TNRC6B: variants seen among roughly 807,000 people sequenced by gnomAD.
TNRC6B encodes trinucleotide repeat containing adaptor 6B.
TNRC6B carries 52 observed loss-of-function variants against 203.6 expected under a neutral mutation model. The ratio of observed to expected loss-of-function variants is 0.26; its 90% CI spans 0.20 to 0.32. The LOEUF (loss-of-function observed/expected upper bound fraction) is 0.32, where lower values mean the gene tolerates loss of function less well. TNRC6B is among the 10% of genes least tolerant of loss of function. TNRC6B has a pLI of 1.00. For missense variants in TNRC6B, 1,923 were observed against 2,286.2 expected (o/e 0.84, Z 3.24); for synonymous variants, 838 against 845.7 (o/e 0.99, Z 0.16).
intron 1 of TNRC6B, among the ~76,000 whole-genome samples, chr22:40,088,592 G>C (rs1223089818): frequency 6.9e-6 from 1 of 144,278 alleles, no homozygotes; most frequent in East Asian, 2.0e-4. Flanking sequence ...TTTTGTGTGT[G>C]TGTGTGTGTG....
At chr22:40,187,190 G>C (rs2069215362) in intron 1 of TNRC6B, among the ~76,000 whole-genome samples, 1 of 152,190 alleles carries the variant, frequency 6.6e-6, no homozygotes, top group Non-Finnish European at 1.5e-5. Context: ...GTTATGCGAA[G>C]TAAAATAGGC....
At chr22:40,245,327 G>A (rs2070091137) in intron 1 of TNRC6B, among the ~76,000 whole-genome samples, 1 of 152,096 alleles carries the variant, frequency 6.6e-6, no homozygotes, top group Non-Finnish European at 1.5e-5. Context: ...CTGACCTCAA[G>A]TGATCTGTCT....
intron 15 of TNRC6B, among the ~76,000 whole-genome samples, chr22:40,303,422 G>A (rs2071051544): frequency 6.6e-6 from 1 of 151,950 alleles, no homozygotes; most frequent in Non-Finnish European, 1.5e-5. Flanking sequence ...TCATACTCCT[G>A]TTTCATAAGT....
chr22:40,161,782 A>G (rs2068873379), intron 4 of TNRC6B, among the ~76,000 whole-genome samples: 1 of 152,192 alleles, frequency 6.6e-6, no homozygotes, highest in Non-Finnish European at 1.5e-5. Context: ...TAATGTAATC[A>G]TTTTTCTGGG....
chr22:40,175,989 G>A (rs751632529), upstream of TNRC6B, among the ~76,000 whole-genome samples: 7 of 152,186 alleles, frequency 4.6e-5, no homozygotes, highest in Non-Finnish European at 1.0e-4. Context: ...AGGAAAGCCG[G>A]GTTTCTAGAA....
At chr22:40,269,815 G>T (rs1391918698) in intron 5 of TNRC6B, among the ~76,000 whole-genome samples, 1 of 150,540 alleles carries the variant, frequency 6.6e-6, no homozygotes, top group South Asian at 2.1e-4. Context: ...TTGAACCTGG[G>T]AGGTGGAGGT....
chr22:40,081,307 G>GGT (rs375037868), intron 1 of TNRC6B, among the ~76,000 whole-genome samples: 9 of 101,504 alleles, frequency 8.9e-5, no homozygotes, highest in African/African-American at 3.3e-4. Context: ...GTGTCTGCGT[G>GGT]TTTTTTTTTT....
intron 1 of TNRC6B, among the ~76,000 whole-genome samples, chr22:40,095,974 A>G (rs995383124): frequency 6.6e-6 from 1 of 152,150 alleles, no homozygotes; most frequent in African/African-American, 2.4e-5. Context: ...ACTTTAGCCT[A>G]GGCCTTCTAA....
rs767828632 is a variant in TNRC6B, at chr22:40,285,734, C to G, written c.3672C>G (p.Leu1224=). The part of the protein sequence containing the change: ...PVQPLNSSPS[L]RAQVPPQFIS... ...AGCCACTAAATTCTTCTCCCAGTCT[C>G]CGGGCGCAAGTGCCTCCCCAGTTTA... Residue 1224 remains leucine, a synonymous_variant, in exon 12 of 23, where the codon CTC becomes CTG. Coordinates refer to ENST00000454349, the MANE Select transcript of TNRC6B (RefSeq NM_001162501.2). The G allele has an allele frequency of 1.2e-6, 2 of 1,613,996 alleles. No homozygotes were observed. The highest frequency in any genetic ancestry group is 1.1e-5 in the South Asian group (1 of 91,074).
At chr22:40,298,943 G>A (rs934915955) in intron 12 of TNRC6B, among the ~76,000 whole-genome samples, 9 of 150,194 alleles carry the variant, frequency 6.0e-5, no homozygotes, top group African/African-American at 1.7e-4. Flanking sequence ...TCCAGCCTGG[G>A]TGAAAGAGCG....
At chr22:40,270,583 C>T (rs908687565) in intron 6 of TNRC6B, among the ~76,000 whole-genome samples, 2 of 151,858 alleles carry the variant, frequency 1.3e-5, no homozygotes, top group African/African-American at 2.4e-5. Context: ...CTCCCAAAGT[C>T]CTGGGACTAC....
intron 15 of TNRC6B, among the ~76,000 whole-genome samples, chr22:40,303,108 C>G (rs984266587): frequency 2.1e-5 from 3 of 145,768 alleles, no homozygotes; most frequent in African/African-American, 7.8e-5. Flanking sequence ...CCACCTCCCA[C>G]AACCTCCACC....
chr22:40,153,422 G>C (rs892335569), intron 3 of TNRC6B, among the ~76,000 whole-genome samples: 1 of 152,136 alleles, frequency 6.6e-6, no homozygotes, highest in Non-Finnish European at 1.5e-5. Flanking sequence ...ACCCCTGAGG[G>C]TGTCTCCAAG....
At chr22:40,261,788 A>G in intron 3 of TNRC6B, 44 bp from the exon 4 acceptor site, 1 of 1,378,264 alleles carries the variant, frequency 7.3e-7, no homozygotes, top group Non-Finnish European at 9.6e-7. Flanking sequence ...GAAAAAATGT[A>G]TTTGATGTAT....
At chr22:40,321,992 G>A (rs184655838) in intron 22 of TNRC6B, among the ~76,000 whole-genome samples, 123 of 152,210 alleles carry the variant, frequency 8.1e-4, no homozygotes, top group African/African-American at 2.9e-3. Context: ...AGACCTGACT[G>A]CCCTTGGCTG....
rs1394750740 is a variant in TNRC6B at position 40,322,863 on chromosome 22, G to A, written c.5124G>A (p.Leu1708=). 2 of 1,613,672 alleles carry A rather than the reference G, an allele frequency of 1.2e-6. No homozygotes were observed. Among genetic ancestry groups the A allele is most frequent in the Non-Finnish European group, 1.7e-6 (2 of 1,179,888 alleles). Residue 1708 remains leucine, a synonymous_variant, in exon 23 of 23, where the codon TTG becomes TTA. Coordinates refer to ENST00000454349, the MANE Select transcript of TNRC6B (RefSeq NM_001162501.2). ...CCCTCCCTTCTTCCAGGTGTGTGTTGGGAAACACTACCATCCTTGCTGAGT... is the reference window on the plus strand; with the variant it reads ...CCCTCCCTTCTTCCAGGTGTGTGTTAGGAAACACTACCATCCTTGCTGAGT... ...KAQTALHMCV[L]GNTTILAEFA...
intron 4 of TNRC6B, chr22:40,156,295 A>G: frequency 9.8e-7 from 1 of 1,020,886 alleles, no homozygotes; most frequent in South Asian, 1.6e-5. Flanking sequence ...ACATTGGGGA[A>G]CTCACCAGTT....
intron 12 of TNRC6B, among the ~76,000 whole-genome samples, chr22:40,297,969 C>CA (rs906610045): frequency 1.3e-5 from 2 of 149,808 alleles, no homozygotes; most frequent in Admixed American, 6.7e-5. Context: ...AAAAAAAATA[C>CA]AAAAAATTAG....
intron 1 of TNRC6B, among the ~76,000 whole-genome samples, chr22:40,108,172 C>T (rs1451192540): frequency 1.3e-5 from 2 of 152,168 alleles, no homozygotes; most frequent in African/African-American, 4.8e-5. Flanking sequence ...CCATTTACAG[C>T]TTCTCTTCTA....
Sources: gnomAD v4.1 joint callset for allele counts (sites outside exome capture counted in the v4.1 genomes callset) on GRCh38, gnomAD v4.1.1 for gene constraint, MANE v1.5 for transcripts, NCBI Gene and HGNC (gene_info 2026-07-23, HGNC 2026-07-21) for gene names.